Variants in BEAN1 observed in about 807,000 individuals in gnomAD.
The protein encoded by BEAN1 is brain expressed associated with NEDD4 1.
In BEAN1, 17 loss-of-function variants were observed where a neutral mutation model predicts 17.7. The observed-to-expected ratio is 0.96, with a 90% confidence interval of 0.66 to 1.44. The LOEUF (loss-of-function observed/expected upper bound fraction) is 1.44. Ranked by LOEUF, BEAN1 falls within the 40% of genes most tolerant of loss-of-function variation. BEAN1 has a pLI of 0.00. For missense variants in BEAN1, 359 were observed against 374.1 expected (o/e 0.96, Z 0.33); for synonymous variants, 142 against 151.8 (o/e 0.94, Z 0.47).
chr16:66,493,760 T>C (rs1334882677), downstream of BEAN1, among the ~76,000 whole-genome samples: 2 of 152,122 alleles, frequency 1.3e-5, no homozygotes, highest in Non-Finnish European at 2.9e-5. Context: ...GCCAGAAGCA[T>C]AGCTGGAGCT....
chr16:66,488,831 G>T (rs1964125746), intron 4 of BEAN1, among the ~76,000 whole-genome samples: 1 of 152,142 alleles, frequency 6.6e-6, no homozygotes, highest in African/African-American at 2.4e-5. Flanking sequence ...TCTCCCCAAA[G>T]GAACAAGCCC....
At chr16:66,469,573 A>C (rs1671054277) in intron 2 of BEAN1, 29 bp from the exon 3 acceptor site, 2 of 1,525,306 alleles carry the variant, frequency 1.3e-6, no homozygotes, top group South Asian at 2.4e-5. Flanking sequence ...CCTGGGCTCC[A>C]GCTCAGTGTC....
At chr16:66,461,263 C>A (rs566741431) in intron 2 of BEAN1, among the ~76,000 whole-genome samples, 1 of 152,100 alleles carries the variant, frequency 6.6e-6, no homozygotes, top group African/African-American at 2.4e-5. Context: ...AAAATAGGCC[C>A]TTGTTTTGGA....
intron 1 of BEAN1, among the ~76,000 whole-genome samples, chr16:66,431,636 G>A (rs1183927759): frequency 4.0e-5 from 6 of 150,706 alleles, no homozygotes; most frequent in South Asian, 2.1e-4. Context: ...TAAGGATCAC[G>A]GTATATGGTA....
At chr16:66,485,864 C>T (rs922718465), downstream of BEAN1, 1 of 152,462 alleles carries the variant, frequency 6.6e-6, no homozygotes, top group East Asian at 1.9e-4. Flanking sequence ...ACCCTCCACT[C>T]CCTGCCACTC....
At chr16:66,435,205 G>T (rs888514282) in intron 1 of BEAN1, among the ~76,000 whole-genome samples, 14 of 152,128 alleles carry the variant, frequency 9.2e-5, no homozygotes, top group African/African-American at 3.4e-4. Context: ...GTCTCTGGGG[G>T]TGTCCCTGGC....
chr16:66,493,443 G>GCC lies in BEAN1; in HGVS notation c.*6_*7dup, dbSNP rs564938855. ...CCCAGTGGCTCTCCAGTCCTCTAGGGCCCCCAGTGCCATGGCAGCACATGC... is the reference window on the plus strand; with the variant it reads ...CCCAGTGGCTCTCCAGTCCTCTAGGGCCCCCCCAGTGCCATGGCAGCACATGC... On this transcript the variant is annotated 3_prime_UTR_variant, in exon 5 of 5. Transcript: ENST00000561796. The GCC allele has an allele frequency of 2.6e-4, 158 of 610,380 alleles. 1 individual carries two copies. The African/African-American group carries it at 2.7e-3, about 10-fold the overall frequency. 37.8% of individuals were successfully genotyped at this position (610,380 alleles called of 1,614,324 possible).
chr16:66,459,964 T>A (rs1040287232), intron 2 of BEAN1, among the ~76,000 whole-genome samples: 1 of 152,204 alleles, frequency 6.6e-6, no homozygotes, highest in African/African-American at 2.4e-5. Context: ...GACGGAAGGA[T>A]GGGCCAATGG....
chr16:66,466,263 C>A (rs561766779), intron 2 of BEAN1, among the ~76,000 whole-genome samples: 1 of 152,208 alleles, frequency 6.6e-6, no homozygotes. Context: ...GGAGACAATG[C>A]GAGACTCTGT....
intron 2 of BEAN1, among the ~76,000 whole-genome samples, chr16:66,459,924 G>T (rs1450352587): frequency 6.6e-6 from 1 of 152,230 alleles, no homozygotes; most frequent in East Asian, 1.9e-4. Flanking sequence ...TGGATCCCAC[G>T]ATTGGGCTGT....
intron 2 of BEAN1, among the ~76,000 whole-genome samples, chr16:66,460,428 G>T (rs117821816): frequency 6.6e-6 from 1 of 152,140 alleles, no homozygotes. Flanking sequence ...ATCACCCAAG[G>T]GTCCCTACCT....
At chr16:66,483,304 C>CT (rs766584099), downstream of BEAN1, 181 of 149,512 alleles carry the variant, frequency 1.2e-3, no homozygotes, top group East Asian at 9.5e-3. Flanking sequence ...ACAGGAGTTG[C>CT]TTTTTTTTTT....
Position 66,437,616 on chromosome 16 carries a change from G to A in BEAN1, c.-61G>A. On this transcript the variant is annotated 5_prime_UTR_variant, in exon 2 of 5. Transcript: ENST00000536005. Reference sequence around the variant, plus strand: ...GCAGGTGAGTGGAGGGGCCTTCCCTGCGAGAAGTCAGAGCTGTGCCCGTGG... The same window carrying A: ...GCAGGTGAGTGGAGGGGCCTTCCCTACGAGAAGTCAGAGCTGTGCCCGTGG... 6.6e-7 allele frequency: 1 copy of A among 1,512,910 alleles called. No individual in the cohort carries two copies. The highest frequency in any genetic ancestry group is 8.9e-7 in the Non-Finnish European group (1 of 1,127,384). 93.7% of individuals were successfully genotyped at this position (1,512,910 alleles called of 1,614,324 possible).
chr16:66,437,947 A>G, intron 2 of BEAN1: 1 of 606,752 alleles, frequency 1.6e-6, no homozygotes, highest in Non-Finnish European at 3.0e-6. Context: ...CGAAGTGTGG[A>G]TCGGAGTTCC....
intron 2 of BEAN1, among the ~76,000 whole-genome samples, chr16:66,438,838 G>C: frequency 6.6e-6 from 1 of 152,112 alleles, no homozygotes; most frequent in East Asian, 1.9e-4. Flanking sequence ...GCTATAATTT[G>C]GGGAGACATG....
At chr16:66,457,939 T>C (rs1962935039) in intron 2 of BEAN1, among the ~76,000 whole-genome samples, 1 of 152,174 alleles carries the variant, frequency 6.6e-6, no homozygotes, top group South Asian at 2.1e-4. Flanking sequence ...CTGAGTCGTG[T>C]TCCCTACACT....
At chr16:66,436,787 A>G (rs1407323003) in intron 1 of BEAN1, among the ~76,000 whole-genome samples, 3 of 152,082 alleles carry the variant, frequency 2.0e-5, no homozygotes, top group Admixed American at 6.6e-5. Flanking sequence ...ATTGGAGTCA[A>G]AGTGACCTGG....
At chr16:66,458,713 C>T (rs1424535937) in intron 2 of BEAN1, among the ~76,000 whole-genome samples, 1 of 152,232 alleles carries the variant, frequency 6.6e-6, no homozygotes, top group Non-Finnish European at 1.5e-5. Flanking sequence ...AACTTTAGCT[C>T]ACCAAGACAA....
intron 4 of BEAN1, among the ~76,000 whole-genome samples, chr16:66,490,749 T>C (rs529148895): frequency 6.6e-6 from 1 of 152,324 alleles, no homozygotes; most frequent in East Asian, 1.9e-4. Flanking sequence ...CTGATGTGCC[T>C]GGTCTTCATT....
Sources: allele counts gnomAD v4.1 joint callset (sites outside exome capture counted in the v4.1 genomes callset), GRCh38; gene constraint gnomAD v4.1.1; transcripts MANE v1.5; gene names NCBI Gene and HGNC (gene_info 2026-07-23, HGNC 2026-07-21).